The following ROR2 variants were observed in gnomAD, a reference collection of about 807,000 sequenced individuals.
The protein encoded by ROR2 is ROR family WNT receptor 2, also known as tyrosine-protein kinase transmembrane receptor ROR2.
Under a neutral mutation model 74.9 loss-of-function variants are expected in ROR2, and 33 were observed. That is an observed-to-expected ratio of 0.44 (90% CI 0.33 to 0.59). The LOEUF is 0.59. ROR2 is among the 20% of genes least tolerant of loss of function. The pLI is 0.02. For synonymous variants in ROR2, 586 were observed against 558.7 expected (o/e 1.05, Z -0.69); for missense variants, 1,216 against 1,313.8 (o/e 0.93, Z 1.15).
At position 91,901,211 on chromosome 9, in the gene ROR2, C is replaced by T. The variant is rs552478257; in HGVS notation, c.97+48656G>A. ...ACTATGTTACATGGTATGTATAACA[C>T]ATAAATTATACAGCATATTTAGTAT... On this transcript the variant is annotated intron_variant, in intron 1 of 8. Transcript: ENST00000375708. Among the ~76,000 whole-genome samples, 82 of 152,330 alleles carry T rather than the reference C, an allele frequency of 5.4e-4. 2 individuals are homozygous for T. In the South Asian group the frequency reaches 0.017, roughly 31 times the overall value.
intron 1 of ROR2, among the ~76,000 whole-genome samples, chr9:91,941,223 T>G (rs1272420560): frequency 6.6e-6 from 1 of 151,200 alleles, no homozygotes; most frequent in Non-Finnish European, 1.5e-5. Context: ...GGTCTCGATC[T>G]GCTGACCTCG....
rs1194617145 is a variant in ROR2, at chr9:91,723,806, G to C, written c.2688C>G (p.Asp896Glu). 1.1e-5 allele frequency: 18 copies of C among 1,613,912 alleles called. No homozygotes were observed. The highest frequency in any genetic ancestry group is 1.4e-5 in the Non-Finnish European group (17 of 1,180,046). Residue 896 changes from aspartate (D) to glutamate (E), a missense_variant, in exon 9 of 9, where the codon GAC (aspartate) becomes GAG (glutamate). Physicochemically the swap from Asp to Glu is conservative, Grantham distance 45. Coordinates refer to ENST00000375708, the MANE Select transcript of ROR2 (RefSeq NM_004560.4). ...RAALLSEGAD[D>E]TQNAPEDGAQ... ...CCCCATCTTCTGGGGCGTTCTGTGTGTCATCAGCGCCCTCTGAGAGCAGGG... is the reference window on the plus strand; with the variant it reads ...CCCCATCTTCTGGGGCGTTCTGTGTCTCATCAGCGCCCTCTGAGAGCAGGG...
chr9:91,929,199 T>G (rs1001907639), intron 1 of ROR2, among the ~76,000 whole-genome samples: 1 of 152,224 alleles, frequency 6.6e-6, no homozygotes, highest in Non-Finnish European at 1.5e-5. Context: ...AGAAACACTA[T>G]GTTAGAAAAT....
Position 91,949,865 on chromosome 9 carries a change from A to G in ROR2, c.97+2T>C. On this transcript the variant is annotated splice_donor_variant, in intron 1 of 8. Coordinates refer to ENST00000375708, the MANE Select transcript of ROR2 (RefSeq NM_004560.4). LOFTEE classifies it high-confidence loss of function. ...CGCACAAGCCGGAACGCCAGATCCT[A>G]CCTGAAGTCCGGGACACTGAGAGCA... 1 of 1,531,524 alleles carries G rather than the reference A, an allele frequency of 6.5e-7. No homozygotes were observed. The highest frequency in any genetic ancestry group is 8.8e-7 in the Non-Finnish European group (1 of 1,132,066). The allele number at this position is 1,531,524 out of a possible 1,614,324, so 94.9% of individuals were successfully genotyped here.
intron 1 of ROR2, among the ~76,000 whole-genome samples, chr9:91,849,141 T>C (rs1474508011): frequency 6.6e-6 from 1 of 152,140 alleles, no homozygotes; most frequent in Non-Finnish European, 1.5e-5. Flanking sequence ...TGGCCAACCT[T>C]ACCATGGGAC....
intron 1 of ROR2, among the ~76,000 whole-genome samples, chr9:91,794,925 C>A (rs929578957): frequency 6.6e-6 from 1 of 152,076 alleles, no homozygotes; most frequent in Admixed American, 6.5e-5. Context: ...ACTTCGAGAC[C>A]AGCCTGGGCA....
chr9:91,736,636 G>C (rs574445098), intron 5 of ROR2, among the ~76,000 whole-genome samples: 1 of 152,294 alleles, frequency 6.6e-6, no homozygotes, highest in African/African-American at 2.4e-5. Flanking sequence ...GCAGGAGGAG[G>C]GCTCTGTAGG....
chr9:91,757,697 T>C (rs1825804580), intron 2 of ROR2, 138 bp from the exon 3 acceptor site: 1 of 888,014 alleles, frequency 1.1e-6, no homozygotes, highest in Non-Finnish European at 1.8e-6. Context: ...TTATCTGCGG[T>C]AATTATCTTC....
intron 1 of ROR2, among the ~76,000 whole-genome samples, chr9:91,908,009 A>T (rs1043080723): frequency 1.3e-4 from 20 of 152,336 alleles, no homozygotes; most frequent in African/African-American, 4.8e-4. Context: ...GATGACACTA[A>T]TTGTTGTGGG....
chr9:91,767,457 CA>C (rs2118896571), intron 2 of ROR2, among the ~76,000 whole-genome samples: 2 of 152,284 alleles, frequency 1.3e-5, no homozygotes, highest in Non-Finnish European at 2.9e-5. Context: ...CTGCTTTTAC[CA>C]GGTCACACTG....
rs541919750 is a variant in ROR2, at chr9:91,724,539, G to A, written c.1955C>T (p.Ser652Leu). Residue 652 changes from serine to leucine, a missense_variant, in exon 9 of 9, where the codon TCG (serine) becomes TTG (leucine). Physicochemically the swap from Ser to Leu is moderately radical, Grantham distance 145 (BLOSUM62 -2). Transcript: ENST00000375708. ...GGCCATCCAGCGGATAGGCAGCAGC[G>A]AGTTCCCCAGCAGCTTGTAGTAATC... ...AADYYKLLGN[S>L]LLPIRWMAPE... The A allele has an allele frequency of 4.3e-6, 7 of 1,614,208 alleles. No individual in the cohort carries two copies. Among genetic ancestry groups the A allele is most frequent in the East Asian group, 2.2e-5 (1 of 44,874 alleles).
chr9:91,737,237 C>T (rs10992073), intron 5 of ROR2, among the ~76,000 whole-genome samples, 154 bp downstream of exon 5: 1 of 152,168 alleles, frequency 6.6e-6, no homozygotes, highest in East Asian at 1.9e-4. Context: ...ATTGCCACTA[C>T]TTCTAAAAAA....
chr9:91,791,455 C>G (rs62563409), intron 1 of ROR2, among the ~76,000 whole-genome samples: 5,114 of 152,110 alleles, frequency 0.034, 134 homozygotes, highest in Non-Finnish European at 0.055. Flanking sequence ...TTTCCTACCA[C>G]TAAGAGATGC....
intron 1 of ROR2, among the ~76,000 whole-genome samples, chr9:91,831,806 A>G (rs1828471542): frequency 1.3e-5 from 2 of 152,050 alleles, no homozygotes; most frequent in Admixed American, 1.3e-4. Flanking sequence ...CAAGAGCAAA[A>G]CTGTCTCAAA....
intron 1 of ROR2, among the ~76,000 whole-genome samples, chr9:91,795,430 T>C (rs567429326): frequency 1.3e-5 from 2 of 152,368 alleles, no homozygotes; most frequent in Admixed American, 1.3e-4. Flanking sequence ...TGTTTGTGAT[T>C]ATCATAAAAA....
intron 1 of ROR2, among the ~76,000 whole-genome samples, chr9:91,869,260 A>G (rs1371547425): frequency 2.0e-5 from 3 of 152,130 alleles, no homozygotes; most frequent in African/African-American, 7.2e-5. Context: ...GAGTCTCAAT[A>G]AATTCCAGGC....
At chr9:91,930,651 A>C (rs567895575) in intron 1 of ROR2, among the ~76,000 whole-genome samples, 15 of 152,254 alleles carry the variant, frequency 9.9e-5, no homozygotes, top group Non-Finnish European at 1.9e-4. Context: ...AAGTGAGTTC[A>C]TCATGGGGGC....
chr9:91,837,932 ACTTTT>A (rs1481031394), intron 1 of ROR2, among the ~76,000 whole-genome samples: 4 of 152,186 alleles, frequency 2.6e-5, no homozygotes, highest in African/African-American at 4.8e-5. Flanking sequence ...ACCGAACCAT[ACTTTT>A]CTTTTCATTG....
At chr9:91,938,949 C>T (rs1346511175) in intron 1 of ROR2, among the ~76,000 whole-genome samples, 2 of 152,156 alleles carry the variant, frequency 1.3e-5, no homozygotes, top group Non-Finnish European at 2.9e-5. Flanking sequence ...GGAGTATGTG[C>T]ATTTTAAATG....
Sources: gnomAD v4.1 joint callset for allele counts (sites outside exome capture counted in the v4.1 genomes callset) on GRCh38, gnomAD v4.1.1 for gene constraint, MANE v1.5 for transcripts, NCBI Gene and HGNC (gene_info 2026-07-23, HGNC 2026-07-21) for gene names.